NRXN1: variants seen among roughly 807,000 people sequenced by gnomAD.
NRXN1 encodes the protein neurexin-1.
In NRXN1, 39 loss-of-function variants were observed where a neutral mutation model predicts 150.9. The observed-to-expected ratio is 0.26, with a 90% CI of 0.20 to 0.34. The LOEUF is 0.34. NRXN1 is among the 10% of genes least tolerant of loss of function. The pLI is 1.00. For missense variants in NRXN1, 1,815 were observed against 1,949.9 expected (o/e 0.93, Z 1.30); for synonymous variants, 924 against 757.0 (o/e 1.22, Z -3.62).
intron 13 of NRXN1, among the ~76,000 whole-genome samples, chr2:50,503,572 A>T (rs867531111): frequency 0.18 from 966 of 5,426 alleles, 11 homozygotes; most frequent in African/African-American, 0.47. Context: ...AGAAAAATTA[A>T]AAAAAAAATA....
chr2:50,083,621 G>C (rs762844552), intron 19 of NRXN1, among the ~76,000 whole-genome samples: 14 of 152,096 alleles, frequency 9.2e-5, no homozygotes, highest in Non-Finnish European at 1.9e-4. Flanking sequence ...GGGCTGGCTC[G>C]GGCAGCCTGC....
intron 8 of NRXN1, among the ~76,000 whole-genome samples, chr2:50,585,907 C>T (rs957430373): frequency 1.3e-5 from 2 of 152,174 alleles, no homozygotes; most frequent in Non-Finnish European, 2.9e-5. Flanking sequence ...CACTGAGTTA[C>T]ATTTGGTCAC....
chr2:50,243,747 C>T (rs1168661280), intron 17 of NRXN1, among the ~76,000 whole-genome samples: 1 of 151,694 alleles, frequency 6.6e-6, no homozygotes, highest in Admixed American at 6.6e-5. Context: ...GGAGGGTGAA[C>T]CAGCTAGACT....
At chr2:50,553,446 A>C (rs1009241369) in intron 8 of NRXN1, among the ~76,000 whole-genome samples, 1 of 152,216 alleles carries the variant, frequency 6.6e-6, no homozygotes, top group Admixed American at 6.5e-5. Context: ...CCATCATTAA[A>C]GCATTTGAAA....
chr2:50,819,505 T>A (rs1669408586), intron 5 of NRXN1, among the ~76,000 whole-genome samples: 1 of 151,994 alleles, frequency 6.6e-6, no homozygotes, highest in Admixed American at 6.6e-5. Flanking sequence ...AGTAGAACAG[T>A]AGCTGACAGG....
chr2:50,449,738 G>A (rs1490100246), intron 17 of NRXN1, among the ~76,000 whole-genome samples: 3 of 152,150 alleles, frequency 2.0e-5, no homozygotes, highest in Non-Finnish European at 4.4e-5. Flanking sequence ...ATAATGATCT[G>A]TACATGTCAG....
chr2:50,991,459 T>C (rs1002023996), intron 2 of NRXN1, among the ~76,000 whole-genome samples: 1 of 152,018 alleles, frequency 6.6e-6, no homozygotes, highest in Admixed American at 6.6e-5. Flanking sequence ...CTTTCTAGTA[T>C]ATAATCCTGA....
At chr2:50,054,188 A>C (rs1419941437) in intron 20 of NRXN1, among the ~76,000 whole-genome samples, 2 of 152,220 alleles carry the variant, frequency 1.3e-5, no homozygotes, top group Non-Finnish European at 2.9e-5. Context: ...GAGACAAAAA[A>C]ATTCCAAAAA....
chr2:50,419,324 A>C (rs1327402183), intron 17 of NRXN1, among the ~76,000 whole-genome samples: 2 of 152,092 alleles, frequency 1.3e-5, no homozygotes, highest in African/African-American at 4.8e-5. Flanking sequence ...ATCAGTTCTT[A>C]GACACAGCAT....
intron 17 of NRXN1, among the ~76,000 whole-genome samples, chr2:50,378,343 TAAGTTGAA>T (rs1420938753): frequency 6.6e-6 from 1 of 152,150 alleles, no homozygotes; most frequent in Non-Finnish European, 1.5e-5. Context: ...AAACTCATCG[TAAGTTGAA>T]AATAAGCAGA....
chr2:49,984,718 A>AC (rs1680601343), intron 21 of NRXN1, among the ~76,000 whole-genome samples: 1 of 146,844 alleles, frequency 6.8e-6, no homozygotes, highest in East Asian at 2.0e-4. Context: ...AGAACACACA[A>AC]ACACACACAC....
intron 2 of NRXN1, among the ~76,000 whole-genome samples, chr2:50,929,298 T>C (rs141708543): frequency 6.0e-4 from 91 of 152,140 alleles, no homozygotes; most frequent in Middle Eastern, 3.4e-3. Flanking sequence ...AGTAAAAAAT[T>C]AAAATTTGGA....
intron 17 of NRXN1, among the ~76,000 whole-genome samples, chr2:50,300,190 C>T (rs1034397810): frequency 7.2e-5 from 11 of 152,024 alleles, no homozygotes; most frequent in Non-Finnish European, 1.0e-4. Context: ...CAAAAAGAGC[C>T]GTTGTTTCTG....
chr2:49,953,011 A>G (rs756709905), intron 21 of NRXN1, among the ~76,000 whole-genome samples: 4 of 152,170 alleles, frequency 2.6e-5, no homozygotes, highest in Non-Finnish European at 5.9e-5. Flanking sequence ...GTTCAAGATC[A>G]AAGATGTAGA....
At chr2:50,012,756 A>G (rs991889459) in intron 21 of NRXN1, among the ~76,000 whole-genome samples, 3 of 152,176 alleles carry the variant, frequency 2.0e-5, no homozygotes, top group Non-Finnish European at 2.9e-5. Flanking sequence ...CAAGAAAAAG[A>G]AGTAGTTGAC....
At chr2:50,517,008 C>A (rs1164700829) in intron 12 of NRXN1, among the ~76,000 whole-genome samples, 1 of 152,056 alleles carries the variant, frequency 6.6e-6, no homozygotes, top group Non-Finnish European at 1.5e-5. Flanking sequence ...TATTTTTTGA[C>A]CCACACAGAC....
At chr2:50,141,217 T>C (rs1455192096) in intron 18 of NRXN1, among the ~76,000 whole-genome samples, 1 of 151,816 alleles carries the variant, frequency 6.6e-6, no homozygotes, top group East Asian at 1.9e-4. Flanking sequence ...GAAGGCAAGG[T>C]TTAAATTGGG....
chr2:50,042,041 A>G (rs952750105), intron 21 of NRXN1, among the ~76,000 whole-genome samples: 8 of 152,242 alleles, frequency 5.3e-5, no homozygotes, highest in African/African-American at 1.9e-4. Context: ...TGCATATCGC[A>G]TCCACCCCTT....
intron 21 of NRXN1, among the ~76,000 whole-genome samples, chr2:50,038,818 CCTTT>C (rs1690467401): frequency 6.8e-6 from 1 of 146,634 alleles, no homozygotes; most frequent in Admixed American, 6.9e-5. Context: ...CTCCCTCCTC[CCTTT>C]CTTTCTTTTT....
Sources: allele counts gnomAD v4.1 joint callset (sites outside exome capture counted in the v4.1 genomes callset), GRCh38; gene constraint gnomAD v4.1.1; transcripts MANE v1.5; gene names NCBI Gene and HGNC (gene_info 2026-07-23, HGNC 2026-07-21).